The following CEP112 variants were observed in gnomAD, a reference collection of about 807,000 sequenced individuals.
CEP112 encodes centrosomal protein 112, also known as centrosomal protein of 112 kDa.
CEP112 carries 127 observed loss-of-function variants against 153.0 expected under a neutral mutation model. That is an observed-to-expected ratio of 0.83 (90% CI 0.72 to 0.96). CEP112 has a LOEUF of 0.96. CEP112 is among the 40% of genes least tolerant of loss of function. The pLI is 0.00. For missense variants in CEP112, 1,089 were observed against 1,101.2 expected, an observed-to-expected ratio of 0.99 and a Z score of 0.16; for synonymous variants, 358 against 374.4, an observed-to-expected ratio of 0.96 and a Z score of 0.51.
rs138734881 is a variant in CEP112 at position 65,916,287 on chromosome 17, G to GTGTGTGTGTA, written c.1980+11294_1980+11295insTACACACACA. The stretch of plus-strand genomic sequence containing the variant: ...TGTGTGTGTGTGTGTGTGTGTGTGT[G>GTGTGTGTGTA]TGTGTATGTGTGGTAGGAGTAGTGG... On this transcript the variant is annotated intron_variant, in intron 19 of 26. Transcript: ENST00000535342. Among the ~76,000 whole-genome samples the GTGTGTGTGTA allele has an allele frequency of 2.0e-3, 298 of 147,548 alleles. 1 individual carries two copies. The highest frequency in any genetic ancestry group is 6.9e-3 in the African/African-American group (273 of 39,334).
At chr17:66,153,979 A>G (rs1364855771) in intron 4 of CEP112, among the ~76,000 whole-genome samples, 1 of 145,200 alleles carries the variant, frequency 6.9e-6, no homozygotes, top group Non-Finnish European at 1.5e-5. Flanking sequence ...CCTGACCAAC[A>G]GAATGAAACC....
chr17:65,883,026 A>T (rs1568165769), intron 20 of CEP112, among the ~76,000 whole-genome samples: 4 of 152,176 alleles, frequency 2.6e-5, no homozygotes, highest in Admixed American at 1.3e-4. Flanking sequence ...CACAGTCTGT[A>T]CTAGGAACCT....
intron 17 of CEP112, among the ~76,000 whole-genome samples, chr17:65,970,816 G>A (rs906730870): frequency 6.6e-6 from 1 of 152,230 alleles, no homozygotes; most frequent in Non-Finnish European, 1.5e-5. Flanking sequence ...TATGGCGCAT[G>A]TATATTGCAT....
intron 8 of CEP112, among the ~76,000 whole-genome samples, chr17:66,070,378 C>A (rs1190751590): frequency 6.6e-6 from 1 of 152,088 alleles, no homozygotes; most frequent in Non-Finnish European, 1.5e-5. Context: ...TAAGTCTCTT[C>A]CAACCTTTTA....
chr17:65,690,227 T>C (rs560476506), intron 23 of CEP112, among the ~76,000 whole-genome samples: 1 of 150,228 alleles, frequency 6.7e-6, no homozygotes, highest in Non-Finnish European at 1.5e-5. Context: ...GAATTCAAGA[T>C]CAGCCTGGGC....
intron 23 of CEP112, among the ~76,000 whole-genome samples, chr17:65,693,086 TA>T (rs1168821577): frequency 1.3e-5 from 2 of 152,170 alleles, no homozygotes; most frequent in African/African-American, 4.8e-5. Context: ...TCTGCTACAA[TA>T]AAAAATACTC....
intron 19 of CEP112, among the ~76,000 whole-genome samples, chr17:65,904,121 CAAAT>C (rs1292327263): frequency 6.6e-6 from 1 of 152,026 alleles, no homozygotes; most frequent in Non-Finnish European, 1.5e-5. Flanking sequence ...GCAAGAGAAA[CAAAT>C]AAAGGGTATT....
chr17:66,123,220 G>C (rs535705101), intron 6 of CEP112, among the ~76,000 whole-genome samples: 2 of 152,342 alleles, frequency 1.3e-5, no homozygotes, highest in African/African-American at 4.8e-5. Flanking sequence ...TCTTGGCTGA[G>C]TGGAGGAAAA....
intron 21 of CEP112, 175 bp from the exon 22 acceptor site, chr17:65,750,899 CAAA>C (rs35172380): frequency 1.9e-3 from 659 of 347,928 alleles, no homozygotes; most frequent in South Asian, 3.2e-3. Flanking sequence ...ACTTAAAAAG[CAAA>C]AAAAAAAAAA....
At chr17:66,181,515 T>TG (rs2072720135) in intron 2 of CEP112, among the ~76,000 whole-genome samples, 1 of 151,392 alleles carries the variant, frequency 6.6e-6, no homozygotes, top group Admixed American at 6.6e-5. Flanking sequence ...CCATCTAATT[T>TG]TGTGTGTGTG....
intron 19 of CEP112, chr17:65,903,257 A>G (rs531129734): frequency 6.6e-6 from 1 of 152,352 alleles, no homozygotes; most frequent in Non-Finnish European, 1.5e-5. Context: ...AACTGCTGTT[A>G]TCTAGAATAT....
intron 26 of CEP112, among the ~76,000 whole-genome samples, chr17:65,636,182 T>C (rs1426184578): frequency 6.6e-6 from 1 of 152,242 alleles, no homozygotes; most frequent in African/African-American, 2.4e-5. Context: ...TCACAAGATC[T>C]TTCCTTTTAA....
intron 4 of CEP112, among the ~76,000 whole-genome samples, chr17:66,149,868 GT>G (rs1198335741): frequency 3.0e-4 from 24 of 79,562 alleles, no homozygotes; most frequent in African/African-American, 8.1e-4. Flanking sequence ...TAAATTTAGG[GT>G]TTTTTTTTTT....
intron 16 of CEP112, among the ~76,000 whole-genome samples, chr17:66,027,115 GC>G (rs1335382323): frequency 6.6e-6 from 1 of 152,156 alleles, no homozygotes; most frequent in East Asian, 1.9e-4. Flanking sequence ...AATGGCTCAT[GC>G]CTGGAATCCC....
intron 16 of CEP112, among the ~76,000 whole-genome samples, chr17:66,020,431 T>A (rs2064957354): frequency 6.6e-6 from 1 of 152,200 alleles, no homozygotes; most frequent in Non-Finnish European, 1.5e-5. Flanking sequence ...ACTAAGCTCA[T>A]GAAGGGCAGA....
At chr17:65,787,414 T>C (rs1342550023) in intron 21 of CEP112, among the ~76,000 whole-genome samples, 1 of 152,158 alleles carries the variant, frequency 6.6e-6, no homozygotes, top group Non-Finnish European at 1.5e-5. Context: ...GCCCAGGAGT[T>C]CAAGGCTGCA....
intron 18 of CEP112, among the ~76,000 whole-genome samples, chr17:65,944,864 C>A (rs1396015335): frequency 6.6e-6 from 1 of 152,156 alleles, no homozygotes; most frequent in African/African-American, 2.4e-5. Flanking sequence ...AGGTATGAGT[C>A]ACCACGCCTG....
intron 1 of CEP112, among the ~76,000 whole-genome samples, chr17:66,187,044 C>T (rs968490199): frequency 6.6e-6 from 1 of 152,162 alleles, no homozygotes; most frequent in African/African-American, 2.4e-5. Context: ...TTTTCCATCT[C>T]CACTCACTCC....
chr17:65,672,919 G>A (rs1360322719), intron 24 of CEP112, among the ~76,000 whole-genome samples: 2 of 152,196 alleles, frequency 1.3e-5, no homozygotes, highest in Non-Finnish European at 2.9e-5. Context: ...ATTTGGAAAG[G>A]AAACTAGTAA....
Sources: gnomAD v4.1 joint callset for allele counts (sites outside exome capture counted in the v4.1 genomes callset) on GRCh38, gnomAD v4.1.1 for gene constraint, MANE v1.5 for transcripts, NCBI Gene and HGNC (gene_info 2026-07-23, HGNC 2026-07-21) for gene names.